The following TTN variants were observed in gnomAD, a reference collection of about 807,000 sequenced individuals.
The protein encoded by TTN is titin.
In TTN, 1,525 loss-of-function variants were observed where a neutral mutation model predicts 3,223.0. The observed-to-expected ratio is 0.47, with a 90% CI of 0.45 to 0.49. The LOEUF (loss-of-function observed/expected upper bound fraction) is 0.49. Among genes scored for constraint, TTN ranks in the 20% least tolerant of loss-of-function variants. The probability of loss-of-function intolerance (pLI) is 0.00; values close to 1 mark genes in which losing one functional copy is unlikely to be tolerated. For missense variants in TTN, 40,786 were observed against 43,424.0 expected (o/e 0.94, Z 5.40); for synonymous variants, 14,094 against 15,161.0 (o/e 0.93, Z 5.17).
rs140879658 is a variant in TTN, at chr2:178,742,130, A to G, written c.11312-209T>C. 1.8e-3 allele frequency among the ~76,000 whole-genome samples: 278 copies of G among 152,202 alleles called. 6 individuals carry two copies. The South Asian group carries it at 0.024, about 13-fold the overall frequency. The stretch of plus-strand genomic sequence containing the variant: ...TATGCAAAATTATAGATACTGTACA[A>G]AAGCAATTTTTGATCCACTTCATCT... On this transcript the variant is annotated intron_variant, in intron 47 of 362. Transcript: ENST00000589042.
rs1196518245 is a variant in TTN, at chr2:178,592,683, C to G, written c.59345-23G>C. 3 of 1,611,852 alleles carry G rather than the reference C, an allele frequency of 1.9e-6. No individual in the cohort carries two copies. In the East Asian group the frequency reaches 6.7e-5, roughly 36 times the overall value. On this transcript the variant is annotated intron_variant, in intron 300 of 362. Coordinates refer to ENST00000589042, the MANE Select transcript of TTN (RefSeq NM_001267550.2). ...GTTCTAGAATAAAGAGAACAGAACA[C>G]TCAGATTTGATCCATAATGCAGATT... is the stretch of plus-strand genomic sequence containing the variant.
chr2:178,769,692 G>T lies in TTN; in HGVS notation c.8889C>A (p.Thr2963=), dbSNP rs1060503963. Residue 2963 remains threonine (T), a synonymous_variant, in exon 37 of 363, where the codon ACC becomes ACA. Coordinates refer to ENST00000589042, the MANE Select transcript of TTN (RefSeq NM_001267550.2). ...FVCGNDQVSA[T]LTVTPIMITS... ...TTTTTAACTTACGGGTGACTGTCAGGGTGGCACTGACTTGGTCATTGCCAC... is the reference window on the plus strand; with the variant it reads ...TTTTTAACTTACGGGTGACTGTCAGTGTGGCACTGACTTGGTCATTGCCAC... The T allele has an allele frequency of 3.1e-6, 5 of 1,612,506 alleles. No homozygotes were observed. The highest frequency in any genetic ancestry group is 4.2e-6 in the Non-Finnish European group (5 of 1,179,504).
At position 178,543,774 on chromosome 2, in the gene TTN, A is replaced by C. The variant is rs1695728836; in HGVS notation, c.96310+60T>G. 6 of 1,584,876 alleles carry C rather than the reference A, an allele frequency of 3.8e-6. No homozygotes were observed. In the East Asian group the frequency reaches 1.3e-4, roughly 36 times the overall value. ...CTAGAGAGGTGATCAATCATAGGTC[A>C]AGCTATATTGTTTTAGAGGATCTAC... On this transcript the variant is annotated intron_variant, in intron 346 of 362. Coordinates refer to ENST00000589042, the MANE Select transcript of TTN (RefSeq NM_001267550.2).
rs757640925 is a variant in TTN, at chr2:178,666,832, G to A, written c.35867C>T (p.Ser11956Leu). 3 of 1,567,218 alleles carry A rather than the reference G, an allele frequency of 1.9e-6. No individual in the cohort carries two copies. Among genetic ancestry groups the A allele is most frequent in the Non-Finnish European group, 2.6e-6 (3 of 1,155,606 alleles). ...TTTCTTCCAACTTGTACCTGTTGGT[G>A]ATGGTGTTTTTCTTCTTTTAACAAT... is the stretch of plus-strand genomic sequence containing the variant. Reference protein sequence around the residue: ...TPIVKRRKTPSPTVPESPREI... With the variant: ...TPIVKRRKTPLPTVPESPREI... The change falls in exon 163 of 363, where the codon TCA (serine) becomes TTA (leucine). Residue 11956 changes from serine (S) to leucine (L), a missense_variant. Ser to Leu is a moderately radical substitution (Grantham distance 145, BLOSUM62 -2). Transcript: ENST00000589042.
At chr2:178,701,297 T>C (rs983880720) in intron 110 of TTN, 94 bp from the exon 111 acceptor site, 1 of 1,166,890 alleles carries the variant, frequency 8.6e-7, no homozygotes, top group African/African-American at 1.5e-5. Flanking sequence ...CAGTACTTCA[T>C]AGGTATTATA....
At chr2:178,679,531 C>G in intron 141 of TTN, 68 bp downstream of exon 141, 1 of 1,587,126 alleles carries the variant, frequency 6.3e-7, no homozygotes, top group African/African-American at 1.4e-5. Context: ...GTTTTGAACT[C>G]AGAAGAAAGT....
rs2092062905 is a variant in TTN at position 178,775,123 on chromosome 2, A to G, written c.6588T>C (p.Cys2196=). 1 of 1,613,900 alleles carries G rather than the reference A, an allele frequency of 6.2e-7. No homozygotes were observed. The highest frequency in any genetic ancestry group is 1.3e-5 in the African/African-American group (1 of 74,896). ...CTTTGACAAATGGTTCTGAAGTTTC[A>G]CATTCAAAGGTTGCCATAGTGTCTT... ...KEKDTMATFE[C]ETSEPFVKVK... Residue 2196 remains cysteine (C), a synonymous_variant, in exon 29 of 363, where the codon TGT becomes TGC. Coordinates refer to ENST00000589042, the MANE Select transcript of TTN (RefSeq NM_001267550.2).
chr2:178,693,582 T>A (rs749479480), intron 119 of TTN, 27 bp downstream of exon 119: 1 of 1,483,202 alleles, frequency 6.7e-7, no homozygotes, highest in South Asian at 1.3e-5. Context: ...ATTAAAAGAG[T>A]TTAAACTTAG....
chr2:178,702,047 C>T lies in TTN; in HGVS notation c.30531G>A (p.Lys10177=). The change falls in exon 109 of 363, where the codon AAG becomes AAA. Residue 10177 remains lysine (K), a synonymous_variant. Transcript: ENST00000589042. The part of the protein sequence containing the change: ...LTTKEIKLEL[K]PPDIPDSRVP... ...TTTTACAAAACAACTTACCAGGAGGCTTCAGCTCAAGTTTGATTTCTGCAA... is the reference window on the plus strand; with the variant it reads ...TTTTACAAAACAACTTACCAGGAGGTTTCAGCTCAAGTTTGATTTCTGCAA... 6.2e-7 allele frequency: 1 copy of T among 1,610,636 alleles called. No individual in the cohort carries two copies.
intron 295 of TTN, among the ~76,000 whole-genome samples, chr2:178,594,932 C>A (rs62178962): frequency 6.6e-6 from 1 of 151,904 alleles, no homozygotes; most frequent in East Asian, 1.9e-4. Context: ...AATTCAGTTT[C>A]TATTAATGCC....
In TTN at chr2:178,547,785, C is replaced by T. The variant is rs1352252944; in HGVS notation, c.93841G>A (p.Gly31281Ser). Residue 31281 changes from glycine to serine, a missense_variant, in exon 339 of 363, where the codon GGT (glycine) becomes AGT (serine). Transcript: ENST00000589042. ...TTLTVKDSMR[G>S]DSGRYFLTLE... is the part of the protein sequence containing the mutation. ...GTCAAGAAGTATCTTCCAGAGTCAC[C>T]TCTCATGCTGTCCTTTACAGTCAGT... 6.2e-7 allele frequency: 1 copy of T among 1,613,884 alleles called. No homozygotes were observed. The highest frequency in any genetic ancestry group is 1.7e-5 in the Admixed American group (1 of 60,002).
At position 178,564,020 on chromosome 2, in the gene TTN, C is replaced by T. The variant is rs766785319; in HGVS notation, c.82112G>A (p.Gly27371Glu). 18 of 1,613,572 alleles carry T rather than the reference C, an allele frequency of 1.1e-5. No individual in the cohort carries two copies. Among genetic ancestry groups the T allele is most frequent in the Non-Finnish European group, 1.1e-5 (13 of 1,179,730 alleles). ...PITVKVLDRP[G>E]PPEGPLKVTG... is the part of the protein sequence containing the mutation. Reference sequence around the variant, plus strand: ...AACTTTCAGAGGCCCTTCAGGAGGCCCTGGCCTGTCAAGTACCTTTACAGT... The same window carrying T: ...AACTTTCAGAGGCCCTTCAGGAGGCTCTGGCCTGTCAAGTACCTTTACAGT... The change falls in exon 326 of 363, where the codon GGG (glycine) becomes GAG (glutamate). Residue 27371 changes from glycine (G) to glutamate (E), a missense_variant. Coordinates refer to ENST00000589042, the MANE Select transcript of TTN (RefSeq NM_001267550.2).
In TTN at chr2:178,621,541, C is replaced by G; in HGVS notation, c.45283G>C (p.Glu15095Gln). 1 of 1,612,484 alleles carries G rather than the reference C, an allele frequency of 6.2e-7. No individual in the cohort carries two copies. Among genetic ancestry groups the G allele is most frequent in the Middle Eastern group, 1.7e-4 (1 of 6,050 alleles). Residue 15095 changes from glutamate (E) to glutamine (Q), a missense_variant, in exon 245 of 363, where the codon GAG becomes CAG. Physicochemically the swap from Glu to Gln is conservative, Grantham distance 29 (BLOSUM62 2). Coordinates refer to ENST00000589042, the MANE Select transcript of TTN (RefSeq NM_001267550.2). Reference sequence around the variant, plus strand: ...CGACAGTTGTAGTTGCCAGCATCCTCAAGGTGAGCGTTCTGAATGACCAGG... The same window carrying G: ...CGACAGTTGTAGTTGCCAGCATCCTGAAGGTGAGCGTTCTGAATGACCAGG... ...RILVIQNAHL[E>Q]DAGNYNCRLP...
At chr2:178,793,682 C>T in intron 8 of TTN, 141 bp from the exon 9 acceptor site, 2 of 1,173,788 alleles carry the variant, frequency 1.7e-6, no homozygotes, top group Non-Finnish European at 2.4e-6. Context: ...CACCTGTAAT[C>T]CCAGCTACTC....
chr2:178,586,620 A>C lies in TTN; in HGVS notation c.64281T>G (p.Val21427=). 6.2e-7 allele frequency: 1 copy of C among 1,613,214 alleles called. No individual in the cohort carries two copies. Among genetic ancestry groups the C allele is most frequent in the South Asian group, 1.1e-5 (1 of 91,040 alleles). The change falls in exon 308 of 363, where the codon GTT becomes GTG. Residue 21427 remains valine (V), a synonymous_variant. Transcript: ENST00000589042. ...EYSVVKDLSL[V]VTGLKEGKKY... ...TCTTTCCTTCCTTTAGGCCAGTGACAACAAGGCTCAGATCTTTTACCACTG... is the reference window on the plus strand; with the variant it reads ...TCTTTCCTTCCTTTAGGCCAGTGACCACAAGGCTCAGATCTTTTACCACTG...
chr2:178,785,574 C>T lies in TTN; in HGVS notation c.2493+46G>A, dbSNP rs2093116301. 3 of 1,612,562 alleles carry T rather than the reference C, an allele frequency of 1.9e-6. No individual in the cohort carries two copies. The African/African-American group carries it at 4.0e-5, about 22-fold the overall frequency. On this transcript the variant is annotated intron_variant, in intron 15 of 362. Transcript: ENST00000589042. ...GATGCTCTGTTTCACAGGTTAGATA[C>T]TTATTTCCTTTAAACATTTCTGTAT...
chr2:178,577,961 TGG>T, intron 322 of TTN, 25 bp downstream of exon 322: 2 of 1,599,334 alleles, frequency 1.3e-6, no homozygotes, highest in Non-Finnish European at 1.7e-6. Flanking sequence ...AACATGCACC[TGG>T]GTTTTTCTTC....
Position 178,598,016 on chromosome 2 carries a change from C to G in TTN, c.57154G>C (p.Gly19052Arg). The change falls in exon 293 of 363, where the codon GGA becomes CGA. Residue 19052 changes from glycine (G) to arginine (R), a missense_variant. Physicochemically the swap from Gly to Arg is moderately radical, Grantham distance 125. Transcript: ENST00000589042. ...TTGTAGAATGCTCCTTCCTTTAATC[C>G]TGTCACAACAAGCTTTGTTCCTCTC... Reference protein sequence around the residue: ...EVRGTKLVVTGLKEGAFYKFR... With the variant: ...EVRGTKLVVTRLKEGAFYKFR... 1 of 1,613,290 alleles carries G rather than the reference C, an allele frequency of 6.2e-7. No homozygotes were observed. The highest frequency in any genetic ancestry group is 8.5e-7 in the Non-Finnish European group (1 of 1,179,534).
At position 178,767,918 on chromosome 2, in the gene TTN, C is replaced by T. The variant is rs1261853793; in HGVS notation, c.9312G>A (p.Lys3104=). 6.2e-7 allele frequency: 1 copy of T among 1,614,040 alleles called. No individual in the cohort carries two copies. The highest frequency in any genetic ancestry group is 1.7e-5 in the Admixed American group (1 of 60,012). Residue 3104 remains lysine, a synonymous_variant, in exon 40 of 363, where the codon AAG becomes AAA. Coordinates refer to ENST00000589042, the MANE Select transcript of TTN (RefSeq NM_001267550.2). Reference sequence around the variant, plus strand: ...GGTGGACATATTTCTCCTTCTGAATCTTTATTCTATGGATGAAATGGAAAT... The same window carrying T: ...GGTGGACATATTTCTCCTTCTGAATTTTTATTCTATGGATGAAATGGAAAT... ...DQELQITDRI[K]IQKEKYVHRL... is the part of the protein sequence containing the mutation.
Sources: gnomAD v4.1 joint callset for allele counts (sites outside exome capture counted in the v4.1 genomes callset) on GRCh38, gnomAD v4.1.1 for gene constraint, MANE v1.5 for transcripts, NCBI Gene and HGNC (gene_info 2026-07-23, HGNC 2026-07-21) for gene names.